The following MAP3K21 variants were observed in gnomAD, a reference collection of about 807,000 sequenced individuals.
MAP3K21 encodes the protein mitogen-activated protein kinase kinase kinase 21, also known as mitogen-activated protein kinase kinase kinase MLK4.
A neutral mutation model predicts 86.1 loss-of-function variants in MAP3K21; 63 were observed. The observed-to-expected ratio is 0.73, with a 90% CI of 0.60 to 0.90. The LOEUF is 0.90. Among genes scored for constraint, MAP3K21 ranks in the 40% least tolerant of loss-of-function variants. The probability of loss-of-function intolerance (pLI) is 0.00; values close to 1 mark genes in which losing one functional copy is unlikely to be tolerated. For missense variants in MAP3K21, 1,220 were observed against 1,367.7 expected (o/e 0.89, Z 1.70); for synonymous variants, 558 against 564.8 (o/e 0.99, Z 0.17).
intron 2 of MAP3K21, among the ~76,000 whole-genome samples, chr1:233,347,917 G>A (rs1487497848): frequency 1.3e-5 from 2 of 151,470 alleles, no homozygotes; most frequent in Non-Finnish European, 2.9e-5. Context: ...AAGGATAGAT[G>A]TAAAAAAACA....
chr1:233,343,567 G>T (rs201514645), intron 1 of MAP3K21, among the ~76,000 whole-genome samples: 2 of 152,216 alleles, frequency 1.3e-5, no homozygotes, highest in East Asian at 1.9e-4. Context: ...CACCTGAGTA[G>T]AGAGAGATTT....
intron 1 of MAP3K21, among the ~76,000 whole-genome samples, chr1:233,329,315 T>C (rs564672233): frequency 3.9e-5 from 6 of 152,334 alleles, no homozygotes; most frequent in South Asian, 4.1e-4. Context: ...ATTCAAAATA[T>C]GACTTCATGT....
In MAP3K21 at chr1:233,379,720, A is replaced by G; in HGVS notation, c.2704+10A>G. The G allele has an allele frequency of 1.3e-6, 2 of 1,598,042 alleles. No homozygotes were observed. The highest frequency in any genetic ancestry group is 1.7e-5 in the Admixed American group (1 of 59,844). On this transcript the variant is annotated intron_variant, in intron 9 of 9. Coordinates refer to ENST00000366624, the MANE Select transcript of MAP3K21 (RefSeq NM_032435.3). The stretch of plus-strand genomic sequence containing the variant: ...GGAAATCCGACCCCAAGTAGGTTGC[A>G]TTAATTAGGTAAAAGCATAAAACAC...
At chr1:233,367,280 A>G (rs1283021262) in intron 5 of MAP3K21, among the ~76,000 whole-genome samples, 1 of 152,238 alleles carries the variant, frequency 6.6e-6, no homozygotes, top group Non-Finnish European at 1.5e-5. Context: ...TTCTTTAGAG[A>G]ATACATTCCT....
At position 233,383,986 on chromosome 1, in the gene MAP3K21, C is replaced by T. The variant is rs534676874; in HGVS notation, c.*1275C>T. 4.6e-5 allele frequency: 7 copies of T among 152,182 alleles called. No homozygotes were observed. Among genetic ancestry groups the T allele is most frequent in the South Asian group, 4.2e-4 (2 of 4,810 alleles). The allele number at this position is 152,182 out of a possible 1,614,324, so 9.4% of individuals were successfully genotyped here. ...AGTTATTGGTGCAGAAATGGCTACC[C>T]GAGAGCTTGGTAAATTTGCCTTGGT... is the stretch of plus-strand genomic sequence containing the variant. On this transcript the variant is annotated 3_prime_UTR_variant, in exon 10 of 10. Transcript: ENST00000366624.
chr1:233,351,520 G>A (rs1360194465), intron 2 of MAP3K21, among the ~76,000 whole-genome samples: 3 of 152,066 alleles, frequency 2.0e-5, no homozygotes, highest in Middle Eastern at 3.4e-3. Context: ...GTGAAACCCC[G>A]TGTCTACTAA....
At chr1:233,366,736 A>G (rs923323584) in intron 5 of MAP3K21, among the ~76,000 whole-genome samples, 33 of 152,242 alleles carry the variant, frequency 2.2e-4, no homozygotes, top group African/African-American at 8.0e-4. Flanking sequence ...GGTATTAAAT[A>G]TGAATCATTA....
chr1:233,328,395 C>A lies in MAP3K21; in HGVS notation c.367C>A (p.Arg123=), dbSNP rs769083519. 24 of 1,487,486 alleles carry A rather than the reference C, an allele frequency of 1.6e-5. No homozygotes were observed. In the South Asian group the frequency reaches 3.0e-4, roughly 19 times the overall value. 92.1% of individuals were successfully genotyped at this position (1,487,486 alleles called of 1,614,324 possible). ...CTCCCCGGTACACGTCGCCTTCGAG[C>A]GGCTGGAGCTGAAGGAGCTCATCGG... ...PSSPVHVAFE[R]LELKELIGAG... Residue 123 remains arginine, a synonymous_variant, in exon 1 of 10, where the codon CGG becomes AGG. Coordinates refer to ENST00000366624, the MANE Select transcript of MAP3K21 (RefSeq NM_032435.3). The surrounding 1 kb of genome is among the most constrained non-coding windows in gnomAD (Gnocchi z 8.7).
chr1:233,339,343 C>T lies in MAP3K21; in HGVS notation c.806-7099C>T, dbSNP rs1416236428. Among the ~76,000 whole-genome samples the T allele has an allele frequency of 7.4e-3, 653 of 88,446 alleles. 28 individuals are homozygous for T. Among genetic ancestry groups the T allele is most frequent in the Middle Eastern group, 0.024 (4 of 164 alleles). The allele number at this position is 88,446 out of a possible 152,430, so 58.0% of individuals were successfully genotyped here. A position where few individuals can be genotyped will look rare whatever the true frequency, so the allele number is the denominator to read the frequency against. On this transcript the variant is annotated intron_variant, in intron 1 of 9. Coordinates refer to ENST00000366624, the MANE Select transcript of MAP3K21 (RefSeq NM_032435.3). ...CTTCTTCTTCTTCCTCTTCTTCTCC[C>T]TCTTCTCCCTCTTCTCCTTCTCCTC...
At chr1:233,378,863 A>G (rs1461271997) in intron 8 of MAP3K21, 68 bp from the exon 9 acceptor site, 4 of 1,116,302 alleles carry the variant, frequency 3.6e-6, no homozygotes, top group Non-Finnish European at 5.2e-6. Context: ...GCTTTATTTT[A>G]CAATCTTGTT....
intron 1 of MAP3K21, among the ~76,000 whole-genome samples, chr1:233,331,109 T>C (rs1289006526): frequency 2.0e-5 from 3 of 152,242 alleles, no homozygotes; most frequent in African/African-American, 7.2e-5. Flanking sequence ...GACTACTGTG[T>C]ATTCAGTAGA....
At chr1:233,354,472 T>C (rs1355547383) in intron 3 of MAP3K21, among the ~76,000 whole-genome samples, 2 of 152,242 alleles carry the variant, frequency 1.3e-5, no homozygotes, top group Non-Finnish European at 2.9e-5. Flanking sequence ...GAGGCTTTGT[T>C]TGAGTTACAT....
intron 5 of MAP3K21, among the ~76,000 whole-genome samples, chr1:233,368,070 C>T (rs991355257): frequency 6.6e-6 from 1 of 152,122 alleles, no homozygotes; most frequent in Non-Finnish European, 1.5e-5. Context: ...ATTGTCCCAT[C>T]ATTTGTTCCA....
Position 233,382,335 on chromosome 1 carries a change from C to A in MAP3K21, c.2735C>A (p.Ala912Asp), listed in dbSNP as rs776795405. 2 of 1,613,970 alleles carry A rather than the reference C, an allele frequency of 1.2e-6. No individual in the cohort carries two copies. The highest frequency in any genetic ancestry group is 3.3e-5 in the Admixed American group (2 of 60,012). Residue 912 changes from alanine to aspartate, a missense_variant, in exon 10 of 10, where the codon GCC becomes GAC. By Grantham distance (126) the Ala-to-Asp change is moderately radical (BLOSUM62 -2). Around this residue, in one of 5 missense-constraint regions of MAP3K21, gnomAD observed 632 missense variants for 691.3 expected, o/e 0.91. Transcript: ENST00000366624. ...TGATIISATG[A>D]SALPLCPSPA... is the part of the protein sequence containing the mutation. Reference sequence around the variant, plus strand: ...GCAACTATTATCTCAGCCACTGGAGCCTCTGCACTGCCACTCTGCCCCTCA... The same window carrying A: ...GCAACTATTATCTCAGCCACTGGAGACTCTGCACTGCCACTCTGCCCCTCA...
In MAP3K21 at chr1:233,353,896, A is replaced by G. The variant is rs1206652587; in HGVS notation, c.1076A>G (p.Asn359Ser). The change falls in exon 3 of 10, where the codon AAT (asparagine) becomes AGT (serine). Residue 359 changes from asparagine to serine, a missense_variant. Physicochemically the swap from Asn to Ser is conservative, Grantham distance 46. Transcript: ENST00000366624. ...GLAVAYGVAVNKLTLPIPSTC... is the reference protein window; with the variant it reads ...GLAVAYGVAVSKLTLPIPSTC... ...GCCGTGGCTTATGGGGTAGCAGTCA[A>G]TAAACTCACTTTGCCCATTCCATCC... 2 of 1,613,450 alleles carry G rather than the reference A, an allele frequency of 1.2e-6. No individual in the cohort carries two copies. Among genetic ancestry groups the G allele is most frequent in the Non-Finnish European group, 8.5e-7 (1 of 1,179,744 alleles).
intron 9 of MAP3K21, among the ~76,000 whole-genome samples, chr1:233,380,094 G>C (rs1207848016): frequency 6.6e-6 from 1 of 152,212 alleles, no homozygotes; most frequent in African/African-American, 2.4e-5. Flanking sequence ...CTCCACTGCT[G>C]TACATGTCAT....
intron 8 of MAP3K21, among the ~76,000 whole-genome samples, chr1:233,377,924 G>T (rs1470874427): frequency 1.3e-5 from 2 of 152,134 alleles, no homozygotes; most frequent in East Asian, 1.9e-4. Context: ...TCACAATGGG[G>T]TTCATGCTCC....
In MAP3K21 at chr1:233,328,849, G is replaced by A; in HGVS notation, c.805+16G>A. On this transcript the variant is annotated intron_variant, in intron 1 of 9. Coordinates refer to ENST00000366624, the MANE Select transcript of MAP3K21 (RefSeq NM_032435.3). The surrounding 1 kb of genome is among the most constrained non-coding windows in gnomAD (Gnocchi z 8.7). ...TCCAGCAACAGTAAGTGGGGCCAGA[G>A]GGAGGTGGGGGAAGACTACCTCCGT... 6.7e-7 allele frequency: 1 copy of A among 1,489,810 alleles called. No homozygotes were observed. The highest frequency in any genetic ancestry group is 9.0e-7 in the Non-Finnish European group (1 of 1,115,838). 92.3% of individuals were successfully genotyped at this position (1,489,810 alleles called of 1,614,324 possible). A position where few individuals can be genotyped will look rare whatever the true frequency, so the allele number is the denominator to read the frequency against.
chr1:233,347,450 T>A (rs1389712738), intron 2 of MAP3K21, among the ~76,000 whole-genome samples: 1 of 152,188 alleles, frequency 6.6e-6, no homozygotes, highest in Non-Finnish European at 1.5e-5. Context: ...CACTGTTTAA[T>A]AGTTATGATG....
Sources: gnomAD v4.1 joint callset for allele counts (sites outside exome capture counted in the v4.1 genomes callset) on GRCh38, gnomAD v4.1.1 for gene constraint, gnomAD v4.1.1 regional missense constraint, Gnocchi (gnomAD v3.1) non-coding constraint, MANE v1.5 for transcripts, NCBI Gene and HGNC (gene_info 2026-07-23, HGNC 2026-07-21) for gene names.